The following HECW2 variants were observed in gnomAD, a reference collection of about 807,000 sequenced individuals.
The protein encoded by HECW2 is HECT, C2 and WW domain containing E3 ubiquitin protein ligase 2, also known as E3 ubiquitin-protein ligase HECW2.
A neutral mutation model predicts 175.2 loss-of-function variants in HECW2; 61 were observed. That is an observed-to-expected ratio of 0.35 (90% confidence interval 0.28 to 0.43). The LOEUF is 0.43. Ranked by LOEUF, HECW2 falls within the 20% of genes least tolerant of loss-of-function variation. The probability of loss-of-function intolerance (pLI) is 1.00; values close to 1 mark genes in which losing one functional copy is unlikely to be tolerated. For missense variants in HECW2, 1,524 were observed against 2,000.5 expected, an observed-to-expected ratio of 0.76 and a Z score of 4.54; for synonymous variants, 671 against 731.0, an observed-to-expected ratio of 0.92 and a Z score of 1.32.
At chr2:196,214,509 T>C (rs114676437) in intron 28 of HECW2, among the ~76,000 whole-genome samples, 7 of 152,212 alleles carry the variant, frequency 4.6e-5, no homozygotes, top group African/African-American at 1.2e-4. Context: ...ATCTGTTGAT[T>C]TATGTGTTGA....
At chr2:196,434,737 A>G (rs901756088) in intron 1 of HECW2, among the ~76,000 whole-genome samples, 2 of 152,218 alleles carry the variant, frequency 1.3e-5, no homozygotes, top group Non-Finnish European at 1.5e-5. Flanking sequence ...CACCATCTTC[A>G]TTATGCCATG....
chr2:196,403,207 TA>T (rs1456260708), intron 2 of HECW2, among the ~76,000 whole-genome samples: 1 of 152,120 alleles, frequency 6.6e-6, no homozygotes, highest in African/African-American at 2.4e-5. Flanking sequence ...AAATAAGTAC[TA>T]AATAGCCACA....
chr2:196,527,906 T>C (rs1688723759), intron 1 of HECW2, among the ~76,000 whole-genome samples: 1 of 152,232 alleles, frequency 6.6e-6, no homozygotes, highest in Admixed American at 6.5e-5. Flanking sequence ...GCTCACAGAC[T>C]TGAAAACTAC....
intron 10 of HECW2, among the ~76,000 whole-genome samples, chr2:196,308,386 T>C (rs868776865): frequency 2.3e-4 from 35 of 152,296 alleles, no homozygotes; most frequent in African/African-American, 7.5e-4. Context: ...ATTTTAAAAA[T>C]ATATGTAGTT....
chr2:196,381,816 A>G (rs1295158724), intron 2 of HECW2, among the ~76,000 whole-genome samples: 1 of 152,222 alleles, frequency 6.6e-6, no homozygotes, highest in Non-Finnish European at 1.5e-5. Flanking sequence ...TTAGTCTTTA[A>G]CTAGTTTAAA....
At chr2:196,470,220 A>G (rs1422975978) in intron 1 of HECW2, among the ~76,000 whole-genome samples, 1 of 152,128 alleles carries the variant, frequency 6.6e-6, no homozygotes, top group Non-Finnish European at 1.5e-5. Flanking sequence ...ATTCATCTGG[A>G]CAAGCATCAA....
chr2:196,445,519 G>A (rs1026806825), intron 1 of HECW2, among the ~76,000 whole-genome samples: 12 of 152,128 alleles, frequency 7.9e-5, no homozygotes, highest in Admixed American at 7.9e-4. Flanking sequence ...AACTAAAAAG[G>A]ATTTTTTGAG....
chr2:196,379,697 AAAAAAAC>A (rs1559077413), intron 2 of HECW2, among the ~76,000 whole-genome samples: 2 of 19,784 alleles, frequency 1.0e-4, no homozygotes, highest in Admixed American at 1.1e-3. Context: ...AAAAAAAAAA[AAAAAAAC>A]AAAAAGATTA....
At chr2:196,345,853 G>C (rs1313452288) in intron 2 of HECW2, among the ~76,000 whole-genome samples, 1 of 152,208 alleles carries the variant, frequency 6.6e-6, no homozygotes, top group Non-Finnish European at 1.5e-5. Flanking sequence ...AATTAGCAGA[G>C]CTGCTTGGAT....
At chr2:196,209,757 C>CTTTTTTT (rs1365319286) in intron 28 of HECW2, among the ~76,000 whole-genome samples, 26 of 142,438 alleles carry the variant, frequency 1.8e-4, no homozygotes, top group African/African-American at 6.1e-4. Flanking sequence ...GTTTTTCTTT[C>CTTTTTTT]TTTCTTTCTT....
chr2:196,327,553 G>C (rs1254856384), intron 5 of HECW2, among the ~76,000 whole-genome samples: 3 of 152,182 alleles, frequency 2.0e-5, no homozygotes, highest in African/African-American at 7.2e-5. Context: ...TCAAGTATTT[G>C]TGCCCCTACC....
chr2:196,532,219 G>T (rs1688861557), intron 1 of HECW2, among the ~76,000 whole-genome samples: 1 of 152,162 alleles, frequency 6.6e-6, no homozygotes, highest in Non-Finnish European at 1.5e-5. Flanking sequence ...CAAAGACTTG[G>T]AACCAACCCA....
At chr2:196,209,327 T>G (rs766800266) in intron 28 of HECW2, among the ~76,000 whole-genome samples, 23 of 152,196 alleles carry the variant, frequency 1.5e-4, no homozygotes, top group African/African-American at 7.2e-5. Context: ...GAGTCCCTTT[T>G]TTTAATACAA....
chr2:196,334,086 T>A (rs932109330), intron 4 of HECW2, among the ~76,000 whole-genome samples: 2 of 151,934 alleles, frequency 1.3e-5, no homozygotes, highest in East Asian at 1.9e-4. Context: ...AAAATTCACA[T>A]AAGATGCAAT....
intron 1 of HECW2, among the ~76,000 whole-genome samples, chr2:196,463,534 T>C (rs896370243): frequency 6.6e-5 from 10 of 152,200 alleles, no homozygotes; most frequent in African/African-American, 1.2e-4. Context: ...AGAATACTAA[T>C]GCAGAGTGGC....
At chr2:196,261,340 A>T (rs962806630) in intron 17 of HECW2, among the ~76,000 whole-genome samples, 2 of 152,240 alleles carry the variant, frequency 1.3e-5, no homozygotes, top group Admixed American at 1.3e-4. Flanking sequence ...TAAGAACAAA[A>T]GCTCTGCAAT....
intron 19 of HECW2, among the ~76,000 whole-genome samples, chr2:196,245,307 C>T (rs114823558): frequency 0.022 from 3,385 of 152,294 alleles, 129 homozygotes; most frequent in African/African-American, 0.077. Flanking sequence ...AGGACCATCA[C>T]ACACCACTTT....
intron 14 of HECW2, among the ~76,000 whole-genome samples, chr2:196,282,430 C>A (rs1368968261): frequency 6.6e-6 from 1 of 152,138 alleles, no homozygotes; most frequent in Non-Finnish European, 1.5e-5. Context: ...CTCAAGAGAT[C>A]CTGAGAATGT....
intron 1 of HECW2, among the ~76,000 whole-genome samples, chr2:196,550,252 G>C (rs1689565281): frequency 6.6e-6 from 1 of 152,074 alleles, no homozygotes; most frequent in African/African-American, 2.4e-5. Context: ...TTCCTGCTTA[G>C]AAGTCTCCAT....
Sources: gnomAD v4.1 joint callset for allele counts (sites outside exome capture counted in the v4.1 genomes callset) on GRCh38, gnomAD v4.1.1 for gene constraint, MANE v1.5 for transcripts, NCBI Gene and HGNC (gene_info 2026-07-23, HGNC 2026-07-21) for gene names.